The following SUCLG2 variants were observed in gnomAD, a reference collection of about 807,000 sequenced individuals.
SUCLG2 encodes the protein succinate--CoA ligase [GDP-forming] subunit beta, mitochondrial.
SUCLG2 carries 42 observed loss-of-function variants against 47.9 expected under a neutral mutation model. The observed-to-expected ratio is 0.88, with a 90% CI of 0.69 to 1.14. SUCLG2 has a LOEUF of 1.14. Ranked by LOEUF, SUCLG2 falls within the 50% of genes most tolerant of loss-of-function variation. SUCLG2 has a pLI of 0.00. For missense variants in SUCLG2, 571 were observed against 525.9 expected (o/e 1.09, Z -0.84); for synonymous variants, 195 against 197.3 (o/e 0.99, Z 0.10).
chr3:67,380,078 T>C (rs962074836), intron 10 of SUCLG2, among the ~76,000 whole-genome samples: 1 of 152,124 alleles, frequency 6.6e-6, no homozygotes, highest in Non-Finnish European at 1.5e-5. Context: ...GCGGGTACTT[T>C]TTGATAGATC....
At chr3:67,362,862 G>T (rs1701824262) in intron 10 of SUCLG2, among the ~76,000 whole-genome samples, 1 of 152,160 alleles carries the variant, frequency 6.6e-6, no homozygotes, top group Admixed American at 6.5e-5. Flanking sequence ...ACTCATAGAT[G>T]CAGCTATGGA....
At position 67,376,469 on chromosome 3, in the gene SUCLG2, G is replaced by C. The variant is rs1702037377; in HGVS notation, c.1184-610C>G. On this transcript the variant is annotated intron_variant, in intron 10 of 10. Transcript: ENST00000307227. ...GGTGTGCTTGGGGACTATTTAACAT[G>C]AGAACTGCTTTTCTGCCATTTTAGA... The C allele has an allele frequency of 8.1e-6, 8 of 985,236 alleles. No homozygotes were observed. The South Asian group carries it at 3.3e-4, about 40-fold the overall frequency. 61.0% of individuals were successfully genotyped at this position (985,236 alleles called of 1,614,324 possible). A position where few individuals can be genotyped will look rare whatever the true frequency, so the allele number is the denominator to read the frequency against.
chr3:67,448,826 G>GT (rs1703988962), intron 9 of SUCLG2, among the ~76,000 whole-genome samples: 1 of 151,800 alleles, frequency 6.6e-6, no homozygotes, highest in African/African-American at 2.4e-5. Flanking sequence ...GTGTAAAAAA[G>GT]GTTTTTTTTT....
intron 1 of SUCLG2, among the ~76,000 whole-genome samples, chr3:67,634,801 T>C (rs1169425280): frequency 6.6e-6 from 1 of 152,210 alleles, no homozygotes; most frequent in African/African-American, 2.4e-5. Flanking sequence ...AGGAATCTGC[T>C]GAAACTCAGT....
intron 1 of SUCLG2, 116 bp from the exon 2 acceptor site, chr3:67,609,712 G>C: frequency 1.1e-6 from 1 of 944,336 alleles, no homozygotes; most frequent in Non-Finnish European, 1.5e-6. Flanking sequence ...ACCCAGAGTT[G>C]AGAGAAGCAA....
intron 9 of SUCLG2, among the ~76,000 whole-genome samples, chr3:67,474,963 G>A (rs987355199): frequency 6.6e-5 from 10 of 151,310 alleles, no homozygotes; most frequent in Non-Finnish European, 1.2e-4. Context: ...CCAACAAGGT[G>A]TGAGTGTCCA....
At chr3:67,575,162 C>T (rs1707713090) in intron 2 of SUCLG2, among the ~76,000 whole-genome samples, 1 of 152,226 alleles carries the variant, frequency 6.6e-6, no homozygotes, top group Admixed American at 6.5e-5. Flanking sequence ...AAAAAGTTAA[C>T]CATAGAGCTA....
intron 1 of SUCLG2, among the ~76,000 whole-genome samples, chr3:67,617,537 C>T (rs1700652221): frequency 6.6e-6 from 1 of 152,188 alleles, no homozygotes; most frequent in Admixed American, 6.5e-5. Flanking sequence ...CAGAACGTCA[C>T]TTTTGTTTAG....
chr3:67,562,462 G>A (rs989702134), intron 2 of SUCLG2, among the ~76,000 whole-genome samples: 1 of 152,116 alleles, frequency 6.6e-6, no homozygotes, highest in African/African-American at 2.4e-5. Context: ...ATTTTTAGTA[G>A]AGACAGGGTT....
At chr3:67,437,041 C>A (rs942469369) in intron 9 of SUCLG2, among the ~76,000 whole-genome samples, 1 of 152,104 alleles carries the variant, frequency 6.6e-6, no homozygotes, top group East Asian at 1.9e-4. Context: ...AGAGTCCTAA[C>A]ACTTAAACAC....
At chr3:67,572,794 T>C (rs1057062577) in intron 2 of SUCLG2, among the ~76,000 whole-genome samples, 1 of 151,550 alleles carries the variant, frequency 6.6e-6, no homozygotes, top group South Asian at 2.1e-4. Context: ...CTACTCAACA[T>C]GGTAGTAGAG....
chr3:67,421,603 C>A (rs28729332), intron 9 of SUCLG2, among the ~76,000 whole-genome samples: 2,124 of 152,314 alleles, frequency 0.014, 53 homozygotes, highest in African/African-American at 0.049. Flanking sequence ...CAGTGAAGAT[C>A]ACTAGCACCA....
In SUCLG2 at chr3:67,635,342, T is replaced by C. The variant is rs1202780487; in HGVS notation, c.84+19161A>G. On this transcript the variant is annotated intron_variant, in intron 1 of 10. Transcript: ENST00000307227. ...AAGCCCAACAACTGTGAACTAAGCA[T>C]ATGAAACTGAGACAGGCAACTGAAC... Among the ~76,000 whole-genome samples the C allele has an allele frequency of 3.9e-5, 6 of 152,310 alleles. No individual in the cohort carries two copies. The East Asian group carries it at 5.8e-4, about 15-fold the overall frequency.
chr3:67,369,913 A>G (rs1701928855), downstream of SUCLG2, among the ~76,000 whole-genome samples: 1 of 152,216 alleles, frequency 6.6e-6, no homozygotes, highest in South Asian at 2.1e-4. Context: ...ACCTCCAGAA[A>G]CGTTATACTG....
At chr3:67,467,975 T>C (rs1391334063) in intron 9 of SUCLG2, among the ~76,000 whole-genome samples, 2 of 151,782 alleles carry the variant, frequency 1.3e-5, no homozygotes, top group Non-Finnish European at 2.9e-5. Context: ...ATTGTGAAAA[T>C]GAATAGGAGA....
intron 9 of SUCLG2, among the ~76,000 whole-genome samples, chr3:67,422,521 T>C (rs1351280685): frequency 7.8e-6 from 1 of 127,564 alleles, no homozygotes; most frequent in Non-Finnish European, 1.7e-5. Context: ...CAACACAATT[T>C]TACTAAGATC....
intron 6 of SUCLG2, among the ~76,000 whole-genome samples, chr3:67,513,691 G>T (rs956554460): frequency 2.0e-5 from 3 of 152,190 alleles, no homozygotes; most frequent in Non-Finnish European, 4.4e-5. Flanking sequence ...TCAACTTGCA[G>T]TCAGTCGCTT....
chr3:67,376,585 G>T, intron 10 of SUCLG2: 1 of 830,200 alleles, frequency 1.2e-6, no homozygotes, highest in Non-Finnish European at 1.5e-6. Context: ...TTATCTAGTT[G>T]GCAAGACAGA....
At chr3:67,369,583 G>A (rs1054960944) in intron 10 of SUCLG2, among the ~76,000 whole-genome samples, 1 of 152,212 alleles carries the variant, frequency 6.6e-6, no homozygotes, top group African/African-American at 2.4e-5. Context: ...GGAAAGGAGA[G>A]GGTGGATGGG....
Sources: gnomAD v4.1 joint callset for allele counts (sites outside exome capture counted in the v4.1 genomes callset) on GRCh38, gnomAD v4.1.1 for gene constraint, MANE v1.5 for transcripts, NCBI Gene and HGNC (gene_info 2026-07-23, HGNC 2026-07-21) for gene names.